The following FHIT variants were observed in gnomAD, a reference collection of about 807,000 sequenced individuals.
FHIT encodes the protein bis(5'-adenosyl)-triphosphatase.
FHIT carries 19 observed loss-of-function variants against 17.9 expected under a neutral mutation model. The observed-to-expected ratio is 1.06, with a 90% CI of 0.74 to 1.56. The LOEUF (loss-of-function observed/expected upper bound fraction) is 1.56. Ranked by LOEUF, FHIT falls within the 40% of genes most tolerant of loss-of-function variation. The pLI is 0.00. For missense variants in FHIT, 248 were observed against 189.2 expected (o/e 1.31, Z -1.82); for synonymous variants, 81 against 69.7 (o/e 1.16, Z -0.81).
intron 3 of FHIT, among the ~76,000 whole-genome samples, chr3:60,976,403 G>A (rs757130426): frequency 1.1e-4 from 17 of 151,918 alleles, no homozygotes; most frequent in Admixed American, 2.0e-4. Flanking sequence ...CACCACACCC[G>A]GCCTCAGAAC....
Position 60,544,596 on chromosome 3 carries a change from A to ATTT in FHIT, c.-17-7620_-17-7618dup, listed in dbSNP as rs33965820. 9.4e-3 allele frequency among the ~76,000 whole-genome samples: 1,172 copies of ATTT among 124,336 alleles called. 47 individuals are homozygous for ATTT. The highest frequency in any genetic ancestry group is 0.011 in the Non-Finnish European group (689 of 61,944). The allele number at this position is 124,336 out of a possible 152,430, so 81.6% of individuals were successfully genotyped here. On this transcript the variant is annotated intron_variant, in intron 4 of 9. Transcript: ENST00000492590. ...AAGTTGGCCAATAATTTCTCAACCT[A>ATTT]TTTTTTTTTTTTTTTTTTTGAGACA...
At chr3:60,262,019 T>G (rs971090910) in intron 5 of FHIT, among the ~76,000 whole-genome samples, 1 of 152,004 alleles carries the variant, frequency 6.6e-6, no homozygotes, top group Non-Finnish European at 1.5e-5. Context: ...AAACTGAACA[T>G]TAAAACATGT....
At chr3:60,855,920 C>A (rs1703360687) in intron 3 of FHIT, among the ~76,000 whole-genome samples, 1 of 152,046 alleles carries the variant, frequency 6.6e-6, no homozygotes, top group African/African-American at 2.4e-5. Context: ...AAGCAAAGAA[C>A]CTTGTAAACA....
At chr3:59,932,943 A>C (rs1315630062) in intron 7 of FHIT, among the ~76,000 whole-genome samples, 1 of 152,114 alleles carries the variant, frequency 6.6e-6, no homozygotes, top group Non-Finnish European at 1.5e-5. Context: ...TAAGTCCCAA[A>C]TTACTGTAGA....
intron 5 of FHIT, among the ~76,000 whole-genome samples, chr3:60,278,350 T>G (rs1391871958): frequency 6.6e-6 from 1 of 152,166 alleles, no homozygotes. Flanking sequence ...CTATCTGACT[T>G]GGGAGAAGGG....
intron 5 of FHIT, among the ~76,000 whole-genome samples, chr3:60,291,408 T>A (rs751104004): frequency 2.0e-5 from 3 of 151,964 alleles, no homozygotes; most frequent in Non-Finnish European, 4.4e-5. Flanking sequence ...ACGTCCTCTA[T>A]CTGAGCTGTG....
chr3:59,863,752 G>C (rs1320718021), intron 8 of FHIT, among the ~76,000 whole-genome samples: 3 of 152,224 alleles, frequency 2.0e-5, no homozygotes, highest in African/African-American at 4.8e-5. Flanking sequence ...GATAAAAAAA[G>C]GTGCTCCTTC....
chr3:60,510,418 G>A (rs192465327), intron 5 of FHIT, among the ~76,000 whole-genome samples: 1 of 152,292 alleles, frequency 6.6e-6, no homozygotes, highest in East Asian at 1.9e-4. Flanking sequence ...CCCCTAAGAA[G>A]TATTCTCTCT....
intron 3 of FHIT, among the ~76,000 whole-genome samples, chr3:60,845,529 A>T (rs1319268059): frequency 6.6e-6 from 1 of 152,130 alleles, no homozygotes; most frequent in African/African-American, 2.4e-5. Flanking sequence ...AGTTTTCAAA[A>T]TTCTTGGAGA....
At chr3:61,248,277 T>A (rs930571550) in intron 1 of FHIT, among the ~76,000 whole-genome samples, 1 of 151,438 alleles carries the variant, frequency 6.6e-6, no homozygotes, top group African/African-American at 2.4e-5. Flanking sequence ...TGGTGGAAGC[T>A]GAATGATCAG....
intron 4 of FHIT, among the ~76,000 whole-genome samples, chr3:60,819,732 G>A (rs933830525): frequency 8.5e-5 from 13 of 152,072 alleles, no homozygotes; most frequent in African/African-American, 1.2e-4. Context: ...TTCATTTTAC[G>A]GAGGAAGTAA....
At chr3:60,939,708 G>A (rs542290566) in intron 3 of FHIT, among the ~76,000 whole-genome samples, 1 of 151,956 alleles carries the variant, frequency 6.6e-6, no homozygotes, top group Non-Finnish European at 1.5e-5. Context: ...AGACATAAAT[G>A]CGAACCAAAT....
At chr3:61,176,501 A>G (rs1401895023) in intron 2 of FHIT, among the ~76,000 whole-genome samples, 1 of 152,224 alleles carries the variant, frequency 6.6e-6, no homozygotes, top group East Asian at 1.9e-4. Flanking sequence ...CAGAGAAGTT[A>G]TGTATCCTGG....
At chr3:61,171,292 A>T (rs1036578191) in intron 2 of FHIT, among the ~76,000 whole-genome samples, 1 of 151,986 alleles carries the variant, frequency 6.6e-6, no homozygotes, top group Non-Finnish European at 1.5e-5. Context: ...CCACTTTTTT[A>T]TGGGGTTCAT....
At chr3:60,751,745 GAA>G (rs10711853) in intron 4 of FHIT, among the ~76,000 whole-genome samples, 5,326 of 151,514 alleles carry the variant, frequency 0.035, 316 homozygotes, top group African/African-American at 0.12. Context: ...AGTATTTTAT[GAA>G]AAAAAAATTC....
At chr3:60,006,027 C>T (rs1422381928) in intron 7 of FHIT, among the ~76,000 whole-genome samples, 2 of 152,114 alleles carry the variant, frequency 1.3e-5, no homozygotes, top group Non-Finnish European at 2.9e-5. Context: ...CTAGGCCCCA[C>T]ATCAGAACTA....
chr3:60,404,237 C>CTG, intron 5 of FHIT, among the ~76,000 whole-genome samples: 1 of 152,262 alleles, frequency 6.6e-6, no homozygotes, highest in South Asian at 2.1e-4. Flanking sequence ...ATGCCAAGAA[C>CTG]CTGGACACAC....
chr3:60,778,862 T>C (rs573787666), intron 4 of FHIT, among the ~76,000 whole-genome samples: 1 of 152,298 alleles, frequency 6.6e-6, no homozygotes, highest in East Asian at 1.9e-4. Flanking sequence ...ATGGGGAAAC[T>C]GGCCTCATAC....
At chr3:60,130,815 A>ATACACATATATATGTG (rs1699528042) in intron 5 of FHIT, among the ~76,000 whole-genome samples, 1 of 66,054 alleles carries the variant, frequency 1.5e-5, no homozygotes, top group Non-Finnish European at 3.8e-5. Context: ...ATATGTGTGT[A>ATACACATATATATGTG]TGTGTGTATA....
Sources: gnomAD v4.1 joint callset for allele counts (sites outside exome capture counted in the v4.1 genomes callset) on GRCh38, gnomAD v4.1.1 for gene constraint, MANE v1.5 for transcripts, NCBI Gene and HGNC (gene_info 2026-07-23, HGNC 2026-07-21) for gene names.